The following LSP1 variants were observed in gnomAD, a reference collection of about 807,000 sequenced individuals.
LSP1 encodes lymphocyte-specific protein 1.
Under a neutral mutation model 49.3 loss-of-function variants are expected in LSP1, and 32 were observed. The ratio of observed to expected loss-of-function variants is 0.65; its 90% CI spans 0.49 to 0.87. The LOEUF is 0.87. Among genes scored for constraint, LSP1 ranks in the 40% least tolerant of loss-of-function variants. The probability of loss-of-function intolerance (pLI) is 0.00; values close to 1 mark genes in which losing one functional copy is unlikely to be tolerated. For synonymous variants in LSP1, 179 were observed against 178.8 expected (o/e 1.00, Z -0.01); for missense variants, 428 against 442.6 (o/e 0.97, Z 0.30).
intron 1 of LSP1, among the ~76,000 whole-genome samples, chr11:1,875,110 G>A (rs1848252909): frequency 6.7e-6 from 1 of 149,020 alleles, no homozygotes; most frequent in South Asian, 2.1e-4. Context: ...GCCCATGGGG[G>A]GCAGAGCCTC....
At chr11:1,857,538 G>C (rs1202627536) in intron 1 of LSP1, among the ~76,000 whole-genome samples, 1 of 152,186 alleles carries the variant, frequency 6.6e-6, no homozygotes, top group Non-Finnish European at 1.5e-5. Context: ...CGTGAGCTCT[G>C]CCTTGCAGTC....
Position 1,883,582 on chromosome 11 carries a change from G to T in LSP1, c.498+22G>T, listed in dbSNP as rs1274258881. On this transcript the variant is annotated intron_variant, in intron 4 of 10. Coordinates refer to ENST00000311604, the MANE Select transcript of LSP1 (RefSeq NM_002339.3). ...GGAGGTGATGGCTCCACCTCAGAGGGTCTGGGTGTACCCCCACCCCAGGGA... is the reference window on the plus strand; with the variant it reads ...GGAGGTGATGGCTCCACCTCAGAGGTTCTGGGTGTACCCCCACCCCAGGGA... 5 of 1,591,970 alleles carry T rather than the reference G, an allele frequency of 3.1e-6. No individual in the cohort carries two copies. In the South Asian group the frequency reaches 5.6e-5, roughly 18 times the overall value.
At chr11:1,853,525 G>C (rs1645677834) in intron 1 of LSP1, among the ~76,000 whole-genome samples, 1 of 152,246 alleles carries the variant, frequency 6.6e-6, no homozygotes, top group Admixed American at 6.5e-5. Context: ...CCAGGGAGGA[G>C]CTGGGGACTG....
chr11:1,853,252 C>T, intron 1 of LSP1, 55 bp downstream of exon 1: 1 of 1,559,892 alleles, frequency 6.4e-7, no homozygotes. Context: ...GGTGCATAGT[C>T]CTTGAGCTGC....
intron 1 of LSP1, among the ~76,000 whole-genome samples, chr11:1,874,592 G>C (rs1848229141): frequency 6.6e-6 from 1 of 152,260 alleles, no homozygotes; most frequent in South Asian, 2.1e-4. Context: ...AGGGCTCCTG[G>C]TGACCAGAGC....
At chr11:1,872,465 G>A (rs1848076931) in intron 1 of LSP1, among the ~76,000 whole-genome samples, 1 of 126,972 alleles carries the variant, frequency 7.9e-6, no homozygotes, top group African/African-American at 3.0e-5. Context: ...GGGTCTGTCC[G>A]CTGGCGTGGG....
chr11:1,879,954 C>G, intron 1 of LSP1, 133 bp from the exon 2 acceptor site: 1 of 1,101,540 alleles, frequency 9.1e-7, no homozygotes, highest in Non-Finnish European at 1.3e-6. Flanking sequence ...TGAGGGCCGG[C>G]CTGGGACTGA....
At chr11:1,882,536 A>G (rs1848587307) in intron 3 of LSP1, among the ~76,000 whole-genome samples, 1 of 151,068 alleles carries the variant, frequency 6.6e-6, no homozygotes, top group African/African-American at 2.4e-5. Context: ...CGTGCTTGGG[A>G]GTCAGCGGCT....
intron 1 of LSP1, among the ~76,000 whole-genome samples, chr11:1,862,709 C>T (rs74872739): frequency 0.04 from 5,955 of 149,376 alleles, 121 homozygotes; most frequent in African/African-American, 0.049. Flanking sequence ...GGTGATCTCA[C>T]CTCCCCTGGG....
chr11:1,854,092 C>T lies in LSP1; in HGVS notation c.53+895C>T, dbSNP rs375694332. 6.9e-4 allele frequency among the ~76,000 whole-genome samples: 105 copies of T among 152,140 alleles called. 1 individual carries two copies. The South Asian group carries it at 0.019, about 28-fold the overall frequency. ...AAGAGATGGGAGGGCTCAGGGCGTG[C>T]GGTGCAGGGACAGGTAGGGCTTTGA... On this transcript the variant is annotated intron_variant, in intron 1 of 10. Transcript: ENST00000311604.
chr11:1,872,721 G>GCA (rs1565078240), intron 1 of LSP1, among the ~76,000 whole-genome samples: 1 of 117,762 alleles, frequency 8.5e-6, no homozygotes, highest in East Asian at 2.8e-4. Flanking sequence ...ACCCTGGCCT[G>GCA]CGCTGGTAGA....
chr11:1,862,052 T>C (rs2133062634), intron 1 of LSP1, among the ~76,000 whole-genome samples: 1 of 151,858 alleles, frequency 6.6e-6, no homozygotes, highest in East Asian at 1.9e-4. Flanking sequence ...GATGAATGGA[T>C]GGATGAGTGG....
rs7933659 is a variant in LSP1, at chr11:1,868,975, G to A, written c.54-11112G>A. ...GGGGACTGAGCATCCGGCTCAGAGC[G>A]GCTTGGCAGAGGTCGGTGGACTGGG... On this transcript the variant is annotated intron_variant, in intron 1 of 10. Transcript: ENST00000311604. 2.3e-3 allele frequency: 2,225 copies of A among 986,186 alleles called. 33 individuals carry two copies. The African/African-American group carries it at 0.03, about 13-fold the overall frequency. 61.1% of individuals were successfully genotyped at this position (986,186 alleles called of 1,614,324 possible).
intron 1 of LSP1, among the ~76,000 whole-genome samples, chr11:1,873,806 G>A (rs1413181466): frequency 6.7e-6 from 1 of 149,698 alleles, no homozygotes; most frequent in Non-Finnish European, 1.5e-5. Flanking sequence ...AGAAGAGCAG[G>A]GAGCCCAGCA....
Position 1,884,443 on chromosome 11 carries a change from C to A in LSP1, c.636-57C>A, listed in dbSNP as rs1848672238. Reference sequence around the variant, plus strand: ...AGGGGGGCTCTGGGAGAGGCTTGGGCAGGTTGGGAGAAGCCTTGTGGGAGA... The same window carrying A: ...AGGGGGGCTCTGGGAGAGGCTTGGGAAGGTTGGGAGAAGCCTTGTGGGAGA... On this transcript the variant is annotated intron_variant, in intron 6 of 10. Transcript: ENST00000311604. This position sits in a 1 kb window ranked among gnomAD's most constrained non-coding sequence, Gnocchi z 4.1. The A allele has an allele frequency of 6.2e-7, 1 of 1,601,168 alleles. No homozygotes were observed. Among genetic ancestry groups the A allele is most frequent in the Non-Finnish European group, 8.6e-7 (1 of 1,168,410 alleles).
Position 1,881,427 on chromosome 11 carries a change from C to A in LSP1, c.192-5C>A. 1 of 1,564,688 alleles carries A rather than the reference C, an allele frequency of 6.4e-7. No homozygotes were observed. Among genetic ancestry groups the A allele is most frequent in the East Asian group, 2.4e-5 (1 of 42,388 alleles). On this transcript the variant is annotated splice_polypyrimidine_tract_variant and splice_region_variant and intron_variant, in intron 2 of 10. Transcript: ENST00000311604. ...CAGGCCTAAGCTCCCCCCTGCTACC[C>A]TCAGCCTCAGCCTGAAGCCCTCGGA...
intron 1 of LSP1, among the ~76,000 whole-genome samples, chr11:1,860,969 C>T (rs150088650): frequency 2.0e-5 from 3 of 152,062 alleles, no homozygotes; most frequent in African/African-American, 7.2e-5. Context: ...TAGATGGATA[C>T]GTGGGTGGAT....
chr11:1,883,468 G>T lies in LSP1; in HGVS notation c.406G>T (p.Glu136Ter). 1 of 1,614,114 alleles carries T rather than the reference G, an allele frequency of 6.2e-7. No homozygotes were observed. The highest frequency in any genetic ancestry group is 8.5e-7 in the Non-Finnish European group (1 of 1,180,012). ...EKEDSDEVHL[E>*]ELSLSKEGPG... ...GGAGGACAGTGATGAAGTCCACCTG[G>T]AGGAGTTGAGTCTGAGCAAGGAGGG... The change falls in exon 4 of 11, where the codon GAG becomes TAG. Residue 136 changes from glutamate (E) to a stop codon, truncating the protein, a stop_gained. Coordinates refer to ENST00000311604, the MANE Select transcript of LSP1 (RefSeq NM_002339.3). LOFTEE classifies it high-confidence loss of function.
chr11:1,857,656 G>A (rs1256273790), intron 1 of LSP1, among the ~76,000 whole-genome samples: 1 of 152,202 alleles, frequency 6.6e-6, no homozygotes, highest in African/African-American at 2.4e-5. Flanking sequence ...CTTTCTGGAT[G>A]AGTAAGCCGC....
Sources: gnomAD v4.1 joint callset for allele counts (sites outside exome capture counted in the v4.1 genomes callset) on GRCh38, gnomAD v4.1.1 for gene constraint, Gnocchi (gnomAD v3.1) non-coding constraint, MANE v1.5 for transcripts, NCBI Gene and HGNC (gene_info 2026-07-23, HGNC 2026-07-21) for gene names.